PNPLA1: variants seen among roughly 807,000 people sequenced by gnomAD.
PNPLA1 encodes patatin like domain 1, omega-hydroxyceramide transacylase.
PNPLA1 carries 36 observed loss-of-function variants against 51.7 expected under a neutral mutation model. That is an observed-to-expected ratio of 0.70 (90% CI 0.53 to 0.92). PNPLA1 has a LOEUF of 0.92. PNPLA1 is among the 40% of genes least tolerant of loss of function. The pLI is 0.00. For missense variants in PNPLA1, 658 were observed against 682.5 expected, an observed-to-expected ratio of 0.96 and a Z score of 0.40; for synonymous variants, 293 against 280.1, an observed-to-expected ratio of 1.05 and a Z score of -0.46.
chr6:36,269,714 G>A (rs1221591996), upstream of PNPLA1, among the ~76,000 whole-genome samples: 1 of 152,092 alleles, frequency 6.6e-6, no homozygotes, highest in African/African-American at 2.4e-5. Flanking sequence ...GTGGTGGGTG[G>A]GGCCGCCAAA....
At chr6:36,257,963 T>C (rs1769565649) in intron 1 of PNPLA1, among the ~76,000 whole-genome samples, 1 of 152,234 alleles carries the variant, frequency 6.6e-6, no homozygotes, top group Non-Finnish European at 1.5e-5. Context: ...TGCTCTTCCC[T>C]CTGATGAATA....
chr6:36,271,058 C>G (rs1418267077), intron 1 of PNPLA1, among the ~76,000 whole-genome samples: 1 of 152,202 alleles, frequency 6.6e-6, no homozygotes, highest in African/African-American at 2.4e-5. Context: ...TTTCAAAATG[C>G]AAATACCCTT....
intron 1 of PNPLA1, among the ~76,000 whole-genome samples, chr6:36,288,664 T>G (rs2127342430): frequency 6.6e-6 from 1 of 151,938 alleles, no homozygotes; most frequent in South Asian, 2.1e-4. Context: ...TTCACCTTGT[T>G]AGCCAGGATG....
At chr6:36,247,481 G>C (rs1308030925) in intron 1 of PNPLA1, among the ~76,000 whole-genome samples, 2 of 152,240 alleles carry the variant, frequency 1.3e-5, no homozygotes, top group African/African-American at 4.8e-5. Context: ...GGGGACAGGG[G>C]CTATGTCCCT....
intron 1 of PNPLA1, among the ~76,000 whole-genome samples, chr6:36,260,713 A>G (rs74830676): frequency 0.016 from 2,372 of 152,320 alleles, 51 homozygotes; most frequent in African/African-American, 0.049. Flanking sequence ...CTCATTTTGT[A>G]CTTAAAATAT....
intron 2 of PNPLA1, among the ~76,000 whole-genome samples, chr6:36,292,213 T>A (rs547970067): frequency 3.3e-4 from 50 of 152,064 alleles, no homozygotes; most frequent in African/African-American, 7.2e-4. Flanking sequence ...GCTTCGCCAC[T>A]CCATCCTCAT....
At chr6:36,256,229 G>A (rs987183134) in intron 1 of PNPLA1, among the ~76,000 whole-genome samples, 12 of 151,906 alleles carry the variant, frequency 7.9e-5, no homozygotes, top group African/African-American at 2.4e-4. Flanking sequence ...GGTGGCTCAC[G>A]CCTGTAATCC....
At chr6:36,267,140 T>G (rs1769778828), upstream of PNPLA1, among the ~76,000 whole-genome samples, 1 of 152,198 alleles carries the variant, frequency 6.6e-6, no homozygotes, top group African/African-American at 2.4e-5. Context: ...GTTAACTTAG[T>G]TAAAAAACAC....
At chr6:36,252,508 G>A (rs538598225) in intron 1 of PNPLA1, among the ~76,000 whole-genome samples, 11 of 149,512 alleles carry the variant, frequency 7.4e-5, no homozygotes, top group African/African-American at 2.5e-4. Flanking sequence ...CTGGGTTCAG[G>A]GGTTGGGCTG....
chr6:36,258,068 T>G (rs1582032051), intron 1 of PNPLA1, among the ~76,000 whole-genome samples: 1 of 152,256 alleles, frequency 6.6e-6, no homozygotes, highest in South Asian at 2.1e-4. Flanking sequence ...CAAGCAATCC[T>G]CCCGCCTCAG....
At chr6:36,243,756 C>T (rs1315366804) in intron 1 of PNPLA1, among the ~76,000 whole-genome samples, 3 of 152,116 alleles carry the variant, frequency 2.0e-5, no homozygotes, top group Admixed American at 2.0e-4. Context: ...GATGTGGTAT[C>T]CTGCAGGCAT....
upstream of PNPLA1, among the ~76,000 whole-genome samples, chr6:36,266,908 G>T (rs552916494): frequency 6.6e-6 from 1 of 152,300 alleles, no homozygotes; most frequent in Admixed American, 6.5e-5. Flanking sequence ...ACATTTTCAG[G>T]AGGTAAGCAA....
intron 1 of PNPLA1, among the ~76,000 whole-genome samples, chr6:36,275,249 T>A (rs1010393199): frequency 1.4e-4 from 22 of 152,282 alleles, no homozygotes; most frequent in South Asian, 6.2e-4. Context: ...CGGCTAATTT[T>A]AAAAATTTTT....
chr6:36,306,355 C>G lies in PNPLA1; in HGVS notation c.1448C>G (p.Thr483Ser). The change falls in exon 7 of 9, where the codon ACC becomes AGC. Residue 483 changes from threonine to serine, a missense_variant. By Grantham distance (58) the Thr-to-Ser change is moderately conservative. Coordinates refer to ENST00000636260, the MANE Select transcript of PNPLA1 (RefSeq NM_001374623.1). ...SAVPLVHVKE[T>S]VSKPYVTESP... ...GTGCCTCTGGTTCATGTGAAGGAAACCGTCAGCAAGCCTTATGTAACGTAA... is the reference window on the plus strand; with the variant it reads ...GTGCCTCTGGTTCATGTGAAGGAAAGCGTCAGCAAGCCTTATGTAACGTAA... 6.2e-7 allele frequency: 1 copy of G among 1,613,130 alleles called. No homozygotes were observed. The highest frequency in any genetic ancestry group is 8.5e-7 in the Non-Finnish European group (1 of 1,179,656).
In PNPLA1 at chr6:36,291,562, C is replaced by A; in HGVS notation, c.438+10C>A. On this transcript the variant is annotated intron_variant, in intron 2 of 8. Transcript: ENST00000636260. Reference sequence around the variant, plus strand: ...GGAGGAGCTCATTGAGGCAAGGGGGCTGGGCTGGGAGGGAGGGACACGGAG... The same window carrying A: ...GGAGGAGCTCATTGAGGCAAGGGGGATGGGCTGGGAGGGAGGGACACGGAG... 6.5e-6 allele frequency: 1 copy of A among 154,110 alleles called. No individual in the cohort carries two copies. The highest frequency in any genetic ancestry group is 1.4e-5 in the Non-Finnish European group (1 of 73,350). The allele number at this position is 154,110 out of a possible 1,614,324, so 9.5% of individuals were successfully genotyped here.
chr6:36,245,152 G>A (rs1172430062), intron 1 of PNPLA1, among the ~76,000 whole-genome samples: 1 of 152,198 alleles, frequency 6.6e-6, no homozygotes, highest in African/African-American at 2.4e-5. Context: ...GGAATGTTGA[G>A]CTCTGGCCTG....
intron 3 of PNPLA1, among the ~76,000 whole-genome samples, chr6:36,293,789 G>A (rs748221978): frequency 2.0e-5 from 3 of 152,228 alleles, no homozygotes; most frequent in Non-Finnish European, 4.4e-5. Flanking sequence ...TCGTTCATAG[G>A]TGAGAAAACA....
intron 1 of PNPLA1, among the ~76,000 whole-genome samples, chr6:36,288,720 A>T (rs1770584370): frequency 6.6e-6 from 1 of 151,894 alleles, no homozygotes; most frequent in Non-Finnish European, 1.5e-5. Flanking sequence ...GGCCTCCCAA[A>T]GTGCTGGGAT....
intron 5 of PNPLA1, among the ~76,000 whole-genome samples, chr6:36,298,716 T>C (rs1770933725): frequency 6.6e-6 from 1 of 152,256 alleles, no homozygotes; most frequent in African/African-American, 2.4e-5. Context: ...GGTTCATCCA[T>C]GTTGTAGCTG....
Sources: allele counts gnomAD v4.1 joint callset (sites outside exome capture counted in the v4.1 genomes callset), GRCh38; gene constraint gnomAD v4.1.1; transcripts MANE v1.5; gene names NCBI Gene and HGNC (gene_info 2026-07-23, HGNC 2026-07-21).